Variants in CD247 observed in about 807,000 individuals in gnomAD.
CD247 encodes T-cell surface glycoprotein CD3 zeta chain.
Under a neutral mutation model 30.0 loss-of-function variants are expected in CD247, and 13 were observed. The observed-to-expected ratio is 0.43, with a 90% CI of 0.28 to 0.69. CD247 has a LOEUF of 0.69. CD247 is among the 30% of genes least tolerant of loss of function. The probability of loss-of-function intolerance (pLI) is 0.16; values close to 1 mark genes in which losing one functional copy is unlikely to be tolerated. For synonymous variants in CD247, 72 were observed against 80.0 expected (o/e 0.90, Z 0.53); for missense variants, 193 against 212.6 (o/e 0.91, Z 0.57).
intron 1 of CD247, among the ~76,000 whole-genome samples, chr1:167,500,881 A>G (rs1398626483): frequency 1.3e-5 from 2 of 152,088 alleles, no homozygotes; most frequent in South Asian, 4.1e-4. Flanking sequence ...ACTGAGGCCA[A>G]CTTCCCATCC....
chr1:167,502,057 G>A (rs1023337582), intron 1 of CD247, among the ~76,000 whole-genome samples: 2 of 152,222 alleles, frequency 1.3e-5, no homozygotes, highest in African/African-American at 2.4e-5. Context: ...GAGATAAGGA[G>A]GGGACAGGGC....
chr1:167,468,283 AT>A (rs1311495912), intron 1 of CD247, among the ~76,000 whole-genome samples: 2 of 152,222 alleles, frequency 1.3e-5, no homozygotes, highest in African/African-American at 4.8e-5. Context: ...CAAATATTGA[AT>A]TGACAAAATT....
chr1:167,436,968 G>A (rs774503527), intron 4 of CD247, among the ~76,000 whole-genome samples: 21 of 152,138 alleles, frequency 1.4e-4, no homozygotes, highest in East Asian at 9.6e-4. Flanking sequence ...CAACAATCCC[G>A]CTTCTGGGTA....
intron 1 of CD247, among the ~76,000 whole-genome samples, chr1:167,478,297 C>T (rs1653835075): frequency 1.3e-5 from 2 of 152,206 alleles, no homozygotes; most frequent in South Asian, 4.1e-4. Context: ...TTTCTAGCTA[C>T]GCAGTTAATG....
At chr1:167,503,570 A>G (rs576642762) in intron 1 of CD247, among the ~76,000 whole-genome samples, 39 of 152,374 alleles carry the variant, frequency 2.6e-4, no homozygotes, top group Admixed American at 5.2e-4. Context: ...TCTTCAGTGC[A>G]CTTAAACTAC....
intron 1 of CD247, among the ~76,000 whole-genome samples, chr1:167,493,003 C>T (rs1654518045): frequency 1.3e-5 from 2 of 151,598 alleles, no homozygotes; most frequent in Admixed American, 1.3e-4. Context: ...CTTTCTCCAC[C>T]CCCAATTTTG....
intron 1 of CD247, among the ~76,000 whole-genome samples, chr1:167,485,196 G>T (rs1253699655): frequency 2.0e-5 from 3 of 152,164 alleles, no homozygotes; most frequent in Non-Finnish European, 4.4e-5. Context: ...CCTATTGGAA[G>T]ATCTAAGGGG....
At chr1:167,510,572 T>A (rs2102118251) in intron 1 of CD247, among the ~76,000 whole-genome samples, 1 of 152,276 alleles carries the variant, frequency 6.6e-6, no homozygotes, top group East Asian at 1.9e-4. Context: ...TCCCCCAGCC[T>A]GTCTTTTCTA....
At chr1:167,508,779 G>T (rs757297728) in intron 1 of CD247, among the ~76,000 whole-genome samples, 2 of 152,162 alleles carry the variant, frequency 1.3e-5, no homozygotes, top group Non-Finnish European at 2.9e-5. Flanking sequence ...ATTAGCACAG[G>T]CCCCACACAA....
intron 1 of CD247, among the ~76,000 whole-genome samples, chr1:167,446,588 G>A (rs908126389): frequency 5.3e-5 from 8 of 152,166 alleles, no homozygotes; most frequent in Non-Finnish European, 1.0e-4. Context: ...TGACAGCAGG[G>A]GATGGCCCTC....
At chr1:167,489,735 C>T (rs535553893) in intron 1 of CD247, among the ~76,000 whole-genome samples, 2 of 152,298 alleles carry the variant, frequency 1.3e-5, no homozygotes, top group East Asian at 3.9e-4. Context: ...TGAGGAGCTG[C>T]GGCTTTGTTA....
chr1:167,489,680 A>C (rs1178390781), intron 1 of CD247, among the ~76,000 whole-genome samples: 1 of 152,154 alleles, frequency 6.6e-6, no homozygotes, highest in African/African-American at 2.4e-5. Flanking sequence ...AGGAGGCTGA[A>C]GGGTTCCTGC....
chr1:167,497,586 G>T (rs944878614), intron 1 of CD247, among the ~76,000 whole-genome samples: 1 of 152,168 alleles, frequency 6.6e-6, no homozygotes, highest in Non-Finnish European at 1.5e-5. Context: ...GGTTGTAAAT[G>T]TTGTTGGTAT....
chr1:167,471,831 C>CTTTTTTTTTTTTTTT (rs111891678), intron 1 of CD247, among the ~76,000 whole-genome samples: 5 of 117,186 alleles, frequency 4.3e-5, no homozygotes, highest in Non-Finnish European at 8.7e-5. Context: ...CTGTTTCTTT[C>CTTTTTTTTTTTTTTT]TTTTTTTTTT....
chr1:167,433,932 A>C, intron 6 of CD247, 88 bp downstream of exon 6: 1 of 1,185,436 alleles, frequency 8.4e-7, no homozygotes, highest in Non-Finnish European at 1.3e-6. Context: ...AGCTGGGATG[A>C]GAAGTGGATG....
At chr1:167,479,967 C>T (rs1653908990) in intron 1 of CD247, among the ~76,000 whole-genome samples, 3 of 152,182 alleles carry the variant, frequency 2.0e-5, no homozygotes, top group Admixed American at 2.0e-4. Context: ...TCATATGCCC[C>T]AGACCAAAAC....
intron 1 of CD247, among the ~76,000 whole-genome samples, chr1:167,476,392 A>G (rs1044411145): frequency 2.6e-5 from 4 of 152,204 alleles, no homozygotes; most frequent in East Asian, 1.9e-4. Context: ...ACTTAGCTGC[A>G]TACTTAATCT....
chr1:167,491,268 A>C (rs1261450075), intron 1 of CD247, among the ~76,000 whole-genome samples: 1 of 152,134 alleles, frequency 6.6e-6, no homozygotes, highest in Non-Finnish European at 1.5e-5. Context: ...TTCCTCAGAA[A>C]GTTAAAAATA....
chr1:167,478,653 G>C (rs1475039772), intron 1 of CD247, among the ~76,000 whole-genome samples: 2 of 152,194 alleles, frequency 1.3e-5, no homozygotes, highest in East Asian at 3.8e-4. Context: ...CTCTTACCTT[G>C]TCTGTGAAGG....
Sources: allele counts gnomAD v4.1 joint callset (sites outside exome capture counted in the v4.1 genomes callset), GRCh38; gene constraint gnomAD v4.1.1; transcripts MANE v1.5; gene names NCBI Gene and HGNC (gene_info 2026-07-23, HGNC 2026-07-21).